The following CAMKMT variants were observed in gnomAD, a reference collection of about 807,000 sequenced individuals.
CAMKMT encodes the protein CaM KMT.
In CAMKMT, 53 loss-of-function variants were observed where a neutral mutation model predicts 48.0. The ratio of observed to expected loss-of-function variants is 1.10; its 90% CI spans 0.89 to 1.39. CAMKMT has a LOEUF of 1.39. Ranked by LOEUF, CAMKMT falls within the 40% of genes most tolerant of loss-of-function variation. The pLI is 0.00. For missense variants in CAMKMT, 428 were observed against 402.7 expected (o/e 1.06, Z -0.54); for synonymous variants, 165 against 152.3 (o/e 1.08, Z -0.61).
intron 3 of CAMKMT, among the ~76,000 whole-genome samples, chr2:44,465,063 T>C (rs115320275): frequency 0.014 from 2,205 of 152,174 alleles, 59 homozygotes; most frequent in African/African-American, 0.051. Context: ...GCACTGAAAA[T>C]AGCTAACTAT....
Position 44,717,022 on chromosome 2 carries a change from G to A in CAMKMT, c.623+1669G>A, listed in dbSNP as rs559577636. ...AGTGTTTAACTTATGGAGTGCAATG[G>A]TATTTTCTGTCATCTCTTCATAAAA... On this transcript the variant is annotated intron_variant, in intron 7 of 10. Transcript: ENST00000378494. 2.6e-5 allele frequency among the ~76,000 whole-genome samples: 4 copies of A among 152,218 alleles called. No homozygotes were observed. In the South Asian group the frequency reaches 8.3e-4, roughly 32 times the overall value.
intron 3 of CAMKMT, among the ~76,000 whole-genome samples, chr2:44,586,384 A>G (rs1438765336): frequency 4.3e-5 from 1 of 23,178 alleles, no homozygotes; most frequent in African/African-American, 1.4e-4. Flanking sequence ...AATCAAAATA[A>G]TGAACATATT....
intron 3 of CAMKMT, among the ~76,000 whole-genome samples, chr2:44,499,561 T>C (rs1306610858): frequency 6.6e-6 from 1 of 152,214 alleles, no homozygotes; most frequent in Non-Finnish European, 1.5e-5. Context: ...ATTCTTATAG[T>C]GAATCATAGA....
At chr2:44,417,902 T>C (rs1292929495) in intron 3 of CAMKMT, among the ~76,000 whole-genome samples, 1 of 152,124 alleles carries the variant, frequency 6.6e-6, no homozygotes, top group African/African-American at 2.4e-5. Flanking sequence ...ATTGTCTTAA[T>C]GAGTTGTAGG....
intron 3 of CAMKMT, among the ~76,000 whole-genome samples, chr2:44,474,523 A>G (rs1668587561): frequency 6.6e-6 from 1 of 152,186 alleles, no homozygotes; most frequent in African/African-American, 2.4e-5. Flanking sequence ...AGAGAGAGAT[A>G]AAGAGGGAGA....
chr2:44,512,238 C>A (rs1415553309), intron 3 of CAMKMT, among the ~76,000 whole-genome samples: 1 of 152,196 alleles, frequency 6.6e-6, no homozygotes, highest in Non-Finnish European at 1.5e-5. Flanking sequence ...TTACTAGCTC[C>A]TCCCCTTAGC....
At chr2:44,411,493 T>C (rs978145495) in intron 3 of CAMKMT, among the ~76,000 whole-genome samples, 15 of 152,240 alleles carry the variant, frequency 9.9e-5, no homozygotes, top group Admixed American at 4.6e-4. Context: ...ATTTATGAAG[T>C]GAATGCATCT....
chr2:44,543,544 T>G (rs1667242508), intron 3 of CAMKMT, among the ~76,000 whole-genome samples: 1 of 152,200 alleles, frequency 6.6e-6, no homozygotes, highest in South Asian at 2.1e-4. Flanking sequence ...CAGCTGAGAT[T>G]AACTATGCTA....
chr2:44,588,339 C>T (rs1333759198), intron 3 of CAMKMT, among the ~76,000 whole-genome samples: 7 of 82,938 alleles, frequency 8.4e-5, no homozygotes, highest in African/African-American at 2.8e-4. Context: ...CCAGCCGCCC[C>T]GTCCGGGAGG....
At chr2:44,448,343 A>G (rs1032499595) in intron 3 of CAMKMT, among the ~76,000 whole-genome samples, 1 of 152,204 alleles carries the variant, frequency 6.6e-6, no homozygotes, top group Non-Finnish European at 1.5e-5. Context: ...TCAGCTATCT[A>G]TAGTATTGCA....
At position 44,621,266 on chromosome 2, in the gene CAMKMT, C is replaced by CAAAAA. The variant is rs10667154; in HGVS notation, c.377-83002_377-82998dup. ...TGGGCGACAGAGCGAGACTCCATCTCAAAAAAAAAAAAAAAAAAAGCATAA... is the reference window on the plus strand; with the variant it reads ...TGGGCGACAGAGCGAGACTCCATCTCAAAAAAAAAAAAAAAAAAAAAAAAGCATAA... On this transcript the variant is annotated intron_variant, in intron 3 of 10. Transcript: ENST00000378494. 4.5e-3 allele frequency among the ~76,000 whole-genome samples: 379 copies of CAAAAA among 84,194 alleles called. 15 individuals are homozygous for CAAAAA. The highest frequency in any genetic ancestry group is 0.016 in the African/African-American group (306 of 18,656). 55.2% of individuals were successfully genotyped at this position (84,194 alleles called of 152,430 possible).
chr2:44,502,239 C>T (rs1008607183), intron 3 of CAMKMT, among the ~76,000 whole-genome samples: 7 of 151,750 alleles, frequency 4.6e-5, no homozygotes, highest in East Asian at 1.9e-4. Context: ...AAAAAATTAC[C>T]GAATAAATAT....
intron 3 of CAMKMT, among the ~76,000 whole-genome samples, chr2:44,519,183 G>T (rs1257095298): frequency 1.3e-5 from 2 of 152,198 alleles, no homozygotes; most frequent in Admixed American, 6.5e-5. Context: ...CTGCTATTGT[G>T]TATCTCAGAC....
chr2:44,430,444 A>T (rs1401650870), intron 3 of CAMKMT, among the ~76,000 whole-genome samples: 1 of 151,496 alleles, frequency 6.6e-6, no homozygotes, highest in African/African-American at 2.4e-5. Context: ...ATGCCTAAGA[A>T]TTTAGCTAAT....
intron 7 of CAMKMT, among the ~76,000 whole-genome samples, chr2:44,725,511 C>A (rs1486482004): frequency 6.6e-5 from 10 of 152,090 alleles, no homozygotes; most frequent in Admixed American, 6.6e-4. Context: ...GTTAACCATG[C>A]TATGTGAGTA....
intron 3 of CAMKMT, among the ~76,000 whole-genome samples, chr2:44,650,412 G>C (rs866762322): frequency 6.6e-6 from 1 of 152,072 alleles, no homozygotes; most frequent in African/African-American, 2.4e-5. Context: ...TTCCAAATAA[G>C]GTCATATTTT....
chr2:44,544,607 T>A (rs1209668907), intron 3 of CAMKMT, among the ~76,000 whole-genome samples: 1 of 152,240 alleles, frequency 6.6e-6, no homozygotes, highest in East Asian at 1.9e-4. Context: ...CTTAAACTGC[T>A]GCAACCATTA....
chr2:44,402,578 C>T (rs1305848859), intron 3 of CAMKMT, among the ~76,000 whole-genome samples: 10 of 151,840 alleles, frequency 6.6e-5, no homozygotes, highest in East Asian at 1.9e-4. Context: ...GGGCACTTTT[C>T]AGTTTAGAAA....
chr2:44,484,009 A>T (rs1669096174), intron 3 of CAMKMT, among the ~76,000 whole-genome samples: 1 of 152,180 alleles, frequency 6.6e-6, no homozygotes, highest in Non-Finnish European at 1.5e-5. Context: ...GCATGCTCTT[A>T]AAGCATTACC....
Sources: allele counts gnomAD v4.1 joint callset (sites outside exome capture counted in the v4.1 genomes callset), GRCh38; gene constraint gnomAD v4.1.1; transcripts MANE v1.5; gene names NCBI Gene and HGNC (gene_info 2026-07-23, HGNC 2026-07-21).